Variants in CMIP observed in about 807,000 individuals in gnomAD.
CMIP encodes c-Maf inducing protein, also known as C-Maf-inducing protein.
Under a neutral mutation model 97.3 loss-of-function variants are expected in CMIP, and 13 were observed. That is an observed-to-expected ratio of 0.13 (90% CI 0.09 to 0.21). The LOEUF is 0.21. Ranked by LOEUF, CMIP falls within the 10% of genes least tolerant of loss-of-function variation. CMIP has a pLI of 1.00. For synonymous variants in CMIP, 538 were observed against 436.3 expected (o/e 1.23, Z -2.91); for missense variants, 847 against 1,024.9 (o/e 0.83, Z 2.37).
At chr16:81,595,544 A>G (rs184295471) in intron 1 of CMIP, among the ~76,000 whole-genome samples, 23 of 152,156 alleles carry the variant, frequency 1.5e-4, no homozygotes, top group African/African-American at 5.5e-4. Context: ...GGATGCCACC[A>G]TGCCTGGCTT....
At chr16:81,558,537 A>G (rs571246236) in intron 1 of CMIP, among the ~76,000 whole-genome samples, 10 of 152,194 alleles carry the variant, frequency 6.6e-5, no homozygotes, top group African/African-American at 2.4e-4. Context: ...CCTGCCACAC[A>G]CAGGACACCG....
At chr16:81,615,637 T>G (rs1299660412) in intron 2 of CMIP, among the ~76,000 whole-genome samples, 5 of 148,802 alleles carry the variant, frequency 3.4e-5, no homozygotes, top group Non-Finnish European at 7.4e-5. Context: ...TATGTGTAAC[T>G]GTATGGTGTG....
intron 14 of CMIP, among the ~76,000 whole-genome samples, chr16:81,699,189 G>A (rs1159725834): frequency 6.6e-6 from 1 of 152,150 alleles, no homozygotes; most frequent in East Asian, 1.9e-4. Flanking sequence ...AAGCGGCAGA[G>A]GTTGCAGTGA....
chr16:81,576,632 C>T (rs115358084), intron 1 of CMIP, among the ~76,000 whole-genome samples: 342 of 152,228 alleles, frequency 2.2e-3, no homozygotes, highest in African/African-American at 8.0e-3. Context: ...TGAATGTCAG[C>T]ACCCCGTTAC....
At chr16:81,452,418 G>A (rs542169351) in intron 1 of CMIP, among the ~76,000 whole-genome samples, 1 of 152,276 alleles carries the variant, frequency 6.6e-6, no homozygotes, top group South Asian at 2.1e-4. Context: ...ACCGTTCTAG[G>A]CACTCGGAAG....
At chr16:81,632,211 T>C (rs1313657211) in intron 3 of CMIP, among the ~76,000 whole-genome samples, 1 of 152,134 alleles carries the variant, frequency 6.6e-6, no homozygotes, top group African/African-American at 2.4e-5. Flanking sequence ...AGATATCCCC[T>C]GCGAACATTT....
At chr16:81,625,769 G>A (rs191840238) in intron 3 of CMIP, among the ~76,000 whole-genome samples, 8 of 152,356 alleles carry the variant, frequency 5.3e-5, no homozygotes, top group African/African-American at 1.9e-4. Context: ...GGATGCACCT[G>A]CTATGGGAGC....
chr16:81,449,615 C>A (rs1295988830), intron 1 of CMIP, among the ~76,000 whole-genome samples: 1 of 151,726 alleles, frequency 6.6e-6, no homozygotes, highest in African/African-American at 2.4e-5. Context: ...CCCCATGTGC[C>A]TAGCCTGCCT....
At chr16:81,602,609 A>G (rs1229280641) in intron 1 of CMIP, among the ~76,000 whole-genome samples, 1 of 152,140 alleles carries the variant, frequency 6.6e-6, no homozygotes, top group Non-Finnish European at 1.5e-5. Flanking sequence ...GCTGGCAACC[A>G]TGGGTGTGAT....
chr16:81,476,048 A>G (rs190498451), intron 1 of CMIP: 4 of 724,504 alleles, frequency 5.5e-6, no homozygotes, highest in African/African-American at 3.5e-5. Flanking sequence ...ACAGTTAGCA[A>G]TAGTGATCTT....
At chr16:81,568,586 C>T (rs2091026471) in intron 1 of CMIP, among the ~76,000 whole-genome samples, 1 of 152,192 alleles carries the variant, frequency 6.6e-6, no homozygotes, top group African/African-American at 2.4e-5. Context: ...CATGACAGCC[C>T]TTGGCTTGCT....
At chr16:81,640,299 C>A (rs1200466070) in intron 3 of CMIP, among the ~76,000 whole-genome samples, 6 of 132,674 alleles carry the variant, frequency 4.5e-5, no homozygotes, top group Non-Finnish European at 8.4e-5. Flanking sequence ...CCCCCCCCCC[C>A]AATTCCCCAG....
chr16:81,474,753 G>A (rs537826594), intron 1 of CMIP, among the ~76,000 whole-genome samples: 11 of 152,340 alleles, frequency 7.2e-5, no homozygotes, highest in South Asian at 4.1e-4. Flanking sequence ...CTCTGGTCCT[G>A]CCTCTCCTGC....
In CMIP at chr16:81,582,118, A is replaced by G. The variant is rs145591381; in HGVS notation, c.301-25449A>G. 2.9e-3 allele frequency among the ~76,000 whole-genome samples: 436 copies of G among 152,268 alleles called. 1 individual carries two copies. Among genetic ancestry groups the G allele is most frequent in the African/African-American group, 0.01 (422 of 41,560 alleles). On this transcript the variant is annotated intron_variant, in intron 1 of 20. Transcript: ENST00000537098. ...CTCATGAGAACTCACTATCACGCCA[A>G]CAATACCAAGAGGGATGGTATTAAA...
intron 1 of CMIP, among the ~76,000 whole-genome samples, chr16:81,463,077 GA>G (rs1385397704): frequency 6.6e-6 from 1 of 152,206 alleles, no homozygotes. Context: ...CAGCTGATGT[GA>G]ATGGAGCAGT....
intron 2 of CMIP, among the ~76,000 whole-genome samples, chr16:81,615,304 C>CTA (rs1555537883): frequency 6.1e-5 from 9 of 147,186 alleles, no homozygotes; most frequent in South Asian, 2.2e-4. Context: ...GCATGTGTAA[C>CTA]TGGTGTGTGT....
intron 1 of CMIP, among the ~76,000 whole-genome samples, chr16:81,470,579 C>T (rs1907463174): frequency 6.6e-6 from 1 of 152,138 alleles, no homozygotes; most frequent in South Asian, 2.1e-4. Flanking sequence ...AAGGTGGAGT[C>T]TTGGGGTTAT....
chr16:81,479,278 A>G (rs1461413555), intron 1 of CMIP, among the ~76,000 whole-genome samples: 1 of 152,172 alleles, frequency 6.6e-6, no homozygotes, highest in African/African-American at 2.4e-5. Context: ...GGTGGGGGCT[A>G]CAGGTAGCTG....
At chr16:81,508,365 G>A (rs868409004) in intron 1 of CMIP, among the ~76,000 whole-genome samples, 2 of 152,130 alleles carry the variant, frequency 1.3e-5, no homozygotes, top group East Asian at 1.9e-4. Context: ...TTGTTTAAAC[G>A]AATGATAGAA....
Sources: gnomAD v4.1 joint callset for allele counts (sites outside exome capture counted in the v4.1 genomes callset) on GRCh38, gnomAD v4.1.1 for gene constraint, MANE v1.5 for transcripts, NCBI Gene and HGNC (gene_info 2026-07-23, HGNC 2026-07-21) for gene names.